ATP6V0A1: variants seen among roughly 807,000 people sequenced by gnomAD.
ATP6V0A1 encodes ATPase H+ transporting V0 subunit a1, also known as V-type proton ATPase 116 kDa subunit a 1.
In ATP6V0A1, 43 loss-of-function variants were observed where a neutral mutation model predicts 105.4. That is an observed-to-expected ratio of 0.41 (90% CI 0.32 to 0.53). ATP6V0A1 has a LOEUF of 0.53. Ranked by LOEUF, ATP6V0A1 falls within the 20% of genes least tolerant of loss-of-function variation. ATP6V0A1 has a pLI of 0.30. For missense variants in ATP6V0A1, 676 were observed against 1,051.1 expected (o/e 0.64, Z 4.93); for synonymous variants, 362 against 372.8 (o/e 0.97, Z 0.33).
chr17:42,485,569 T>TTTTAA (rs1268388607), intron 9 of ATP6V0A1, among the ~76,000 whole-genome samples: 2 of 151,798 alleles, frequency 1.3e-5, no homozygotes, highest in African/African-American at 4.9e-5. Flanking sequence ...TTTTGTTTTG[T>TTTTAA]TTTAAAGACA....
At chr17:42,479,378 C>T (rs1330471940) in intron 7 of ATP6V0A1, among the ~76,000 whole-genome samples, 1 of 152,204 alleles carries the variant, frequency 6.6e-6, no homozygotes, top group African/African-American at 2.4e-5. Context: ...ATCTTCCCCA[C>T]CCAGTACTTC....
chr17:42,502,460 T>C (rs1427597817), intron 17 of ATP6V0A1, among the ~76,000 whole-genome samples: 1 of 152,056 alleles, frequency 6.6e-6, no homozygotes, highest in African/African-American at 2.4e-5. Flanking sequence ...GTATATACGT[T>C]TACTTAATGT....
intron 11 of ATP6V0A1, among the ~76,000 whole-genome samples, chr17:42,491,547 G>A (rs2090628105): frequency 6.6e-6 from 1 of 151,944 alleles, no homozygotes; most frequent in African/African-American, 2.4e-5. Context: ...GCAATGGCAC[G>A]ATCTCAGCTC....
intron 17 of ATP6V0A1, chr17:42,502,711 T>G (rs1567857838): frequency 1.3e-5 from 2 of 152,634 alleles, no homozygotes; most frequent in African/African-American, 2.4e-5. Flanking sequence ...CATCCTTCCA[T>G]GTACCCTCCA....
At chr17:42,515,021 TG>T (rs796220563) in intron 21 of ATP6V0A1, among the ~76,000 whole-genome samples, 43 of 152,090 alleles carry the variant, frequency 2.8e-4, no homozygotes, top group African/African-American at 1.0e-3. Flanking sequence ...TGGGCAGGTT[TG>T]GGGTGGTTCT....
chr17:42,507,199 T>C (rs2092083095), intron 17 of ATP6V0A1: 1 of 249,884 alleles, frequency 4.0e-6, no homozygotes. Context: ...AATCTGTTCA[T>C]ATTAAGGTTT....
chr17:42,472,246 G>A (rs1355728737), intron 5 of ATP6V0A1, among the ~76,000 whole-genome samples: 2 of 151,250 alleles, frequency 1.3e-5, no homozygotes, highest in Non-Finnish European at 2.9e-5. Flanking sequence ...TAGAGACAGC[G>A]TTTCACCATG....
At chr17:42,518,293 G>C (rs553213362) in intron 21 of ATP6V0A1, 1 of 152,198 alleles carries the variant, frequency 6.6e-6, no homozygotes, top group East Asian at 1.9e-4. Context: ...TAAAGGGACA[G>C]AATCGGGGAC....
chr17:42,492,678 C>G (rs1360675025), intron 11 of ATP6V0A1, among the ~76,000 whole-genome samples: 2 of 142,596 alleles, frequency 1.4e-5, no homozygotes, highest in African/African-American at 2.6e-5. Context: ...TGCACTCCAG[C>G]CTGGGCAAAA....
At chr17:42,468,843 CTATTT>C (rs10531131) in intron 4 of ATP6V0A1, among the ~76,000 whole-genome samples, 49,167 of 150,770 alleles carry the variant, frequency 0.33, 9,361 homozygotes, top group East Asian at 0.56. Flanking sequence ...AAGTTATCTA[CTATTT>C]TATTTTATTT....
At chr17:42,502,499 C>CAT (rs1157550722) in intron 17 of ATP6V0A1, among the ~76,000 whole-genome samples, 1 of 150,696 alleles carries the variant, frequency 6.6e-6, no homozygotes, top group African/African-American at 2.4e-5. Flanking sequence ...TGCGCGCGCA[C>CAT]ACACACACAC....
Position 42,460,997 on chromosome 17 carries a change from G to A in ATP6V0A1, c.103G>A (p.Val35Ile), listed in dbSNP as rs755485576. 1.2e-5 allele frequency: 19 copies of A among 1,613,600 alleles called. No homozygotes were observed. In the Admixed American group the frequency reaches 2.8e-4, roughly 24 times the overall value. Reference sequence around the variant, plus strand: ...CAGTGAATTAGGAGAACTTGGAAAGGTTCAGTTTCGTGACGTAAGTAGTTG... The same window carrying A: ...CAGTGAATTAGGAGAACTTGGAAAGATTCAGTTTCGTGACGTAAGTAGTTG... ...CVSELGELGK[V>I]QFRDLNPDVN... Residue 35 changes from valine to isoleucine, a missense_variant, in exon 2 of 22, where the codon GTT (valine) becomes ATT (isoleucine). Around this residue, in one of 3 missense-constraint regions of ATP6V0A1, gnomAD observed 239 missense variants for 388.4 expected, o/e 0.62. Coordinates refer to ENST00000343619, the MANE Select transcript of ATP6V0A1 (RefSeq NM_001130021.3).
At chr17:42,459,279 C>G (rs1316884341) in intron 1 of ATP6V0A1, 3 of 152,236 alleles carry the variant, frequency 2.0e-5, no homozygotes, top group Non-Finnish European at 4.4e-5. Flanking sequence ...TCCTTTTTTC[C>G]CATCTCAAGG....
intron 17 of ATP6V0A1, among the ~76,000 whole-genome samples, chr17:42,506,111 G>A (rs2092008678): frequency 6.6e-6 from 1 of 152,086 alleles, no homozygotes; most frequent in Non-Finnish European, 1.5e-5. Flanking sequence ...CCTTGCCAAA[G>A]TTTTGCAAGC....
Position 42,473,189 on chromosome 17 carries a change from C to T in ATP6V0A1, c.423+2971C>T, listed in dbSNP as rs1445110898. 1.1e-4 allele frequency among the ~76,000 whole-genome samples: 16 copies of T among 152,286 alleles called. No homozygotes were observed. In the East Asian group the frequency reaches 3.1e-3, roughly 29 times the overall value. On this transcript the variant is annotated intron_variant, in intron 5 of 21. Transcript: ENST00000343619. ...TTTTGAGACTAGTGGTAACTTCTTTCGCCAGTCCCTAATGACATCACGTTA... is the reference window on the plus strand; with the variant it reads ...TTTTGAGACTAGTGGTAACTTCTTTTGCCAGTCCCTAATGACATCACGTTA...
At position 42,466,407 on chromosome 17, in the gene ATP6V0A1, G is replaced by A. The variant is rs374011218; in HGVS notation, c.118-22G>A. 1.3e-5 allele frequency: 20 copies of A among 1,562,174 alleles called. 1 individual carries two copies. In the African/African-American group the frequency reaches 2.6e-4, roughly 20 times the overall value. On this transcript the variant is annotated intron_variant, in intron 2 of 21. Coordinates refer to ENST00000343619, the MANE Select transcript of ATP6V0A1 (RefSeq NM_001130021.3). ...AATAGATACAATATTTCAATGTTTG[G>A]TATTGTGTTTTTATTTTTCAGTTAA... is the stretch of plus-strand genomic sequence containing the variant.
intron 14 of ATP6V0A1, chr17:42,496,051 GACTC>G (rs1325603435): frequency 8.4e-6 from 1 of 118,790 alleles, no homozygotes; most frequent in Non-Finnish European, 1.6e-5. Flanking sequence ...GACAGAGCAA[GACTC>G]CGTCTCAAAA....
chr17:42,470,016 G>A (rs1331806088), intron 4 of ATP6V0A1, 74 bp from the exon 5 acceptor site: 45 of 1,390,284 alleles, frequency 3.2e-5, no homozygotes, highest in Non-Finnish European at 2.3e-5. Context: ...ACAGTTCTGT[G>A]GGATGAATTC....
At position 42,465,219 on chromosome 17, in the gene ATP6V0A1, C is replaced by T. The variant is rs1445668918; in HGVS notation, c.118-1210C>T. ...ATGTTGTCCAGGCTGGTCTCAAACTCCTGAGCTCAGATAATCCTCCTGCCT... is the reference window on the plus strand; with the variant it reads ...ATGTTGTCCAGGCTGGTCTCAAACTTCTGAGCTCAGATAATCCTCCTGCCT... On this transcript the variant is annotated intron_variant, in intron 2 of 21. Coordinates refer to ENST00000343619, the MANE Select transcript of ATP6V0A1 (RefSeq NM_001130021.3). Among the ~76,000 whole-genome samples the T allele has an allele frequency of 2.0e-5, 3 of 151,434 alleles. No homozygotes were observed. In the East Asian group the frequency reaches 5.8e-4, roughly 29 times the overall value.
Sources: gnomAD v4.1 joint callset for allele counts (sites outside exome capture counted in the v4.1 genomes callset) on GRCh38, gnomAD v4.1.1 for gene constraint, gnomAD v4.1.1 regional missense constraint, MANE v1.5 for transcripts, NCBI Gene and HGNC (gene_info 2026-07-23, HGNC 2026-07-21) for gene names.